PCLO: variants seen among roughly 807,000 people sequenced by gnomAD.
The protein encoded by PCLO is piccolo presynaptic cytomatrix protein.
PCLO carries 82 observed loss-of-function variants against 427.5 expected under a neutral mutation model. That is an observed-to-expected ratio of 0.19 (90% confidence interval 0.16 to 0.23). PCLO has a LOEUF of 0.23. Among genes scored for constraint, PCLO ranks in the 10% least tolerant of loss-of-function variants. The pLI is 1.00. For synonymous variants in PCLO, 2,357 were observed against 2,155.4 expected (o/e 1.09, Z -2.59); for missense variants, 6,239 against 6,115.9 (o/e 1.02, Z -0.67).
intron 3 of PCLO, among the ~76,000 whole-genome samples, chr7:83,029,341 C>CA (rs1788596658): frequency 2.6e-5 from 4 of 151,384 alleles, no homozygotes; most frequent in South Asian, 4.2e-4. Context: ...ATTTATGCAG[C>CA]AAAAAAACAC....
At chr7:82,845,565 G>T (rs930279036) in intron 12 of PCLO, 80 bp from the exon 13 acceptor site, 101 of 928,118 alleles carry the variant, frequency 1.1e-4, no homozygotes, top group Non-Finnish European at 5.1e-5. Context: ...AGTTCTAGGT[G>T]ACAAAGGTAA....
At chr7:82,846,952 G>C (rs1183158859) in intron 11 of PCLO, among the ~76,000 whole-genome samples, 187 bp downstream of exon 11, 1 of 152,148 alleles carries the variant, frequency 6.6e-6, no homozygotes, top group Admixed American at 6.5e-5. Context: ...GCATGAAAGG[G>C]AAGAGGCTGT....
chr7:82,868,667 C>T (rs953085839), intron 10 of PCLO, among the ~76,000 whole-genome samples: 1 of 152,174 alleles, frequency 6.6e-6, no homozygotes, highest in African/African-American at 2.4e-5. Flanking sequence ...TGCTTACTTG[C>T]CATGTAGCTC....
chr7:83,070,234 C>G (rs1356009292), intron 3 of PCLO, among the ~76,000 whole-genome samples: 1 of 152,130 alleles, frequency 6.6e-6, no homozygotes, highest in Non-Finnish European at 1.5e-5. Context: ...GAAGTAGAAC[C>G]TCTAGCTCCA....
At chr7:82,761,089 G>A (rs1425231208) in intron 23 of PCLO, among the ~76,000 whole-genome samples, 1 of 150,654 alleles carries the variant, frequency 6.6e-6, no homozygotes, top group Non-Finnish European at 1.5e-5. Flanking sequence ...AGGGACTACA[G>A]GCAGGAGCGA....
At chr7:83,135,749 C>A (rs765137446) in intron 2 of PCLO, 93 bp from the exon 3 acceptor site, 6 of 702,540 alleles carry the variant, frequency 8.5e-6, no homozygotes, top group Middle Eastern at 2.5e-4. Context: ...GAAACTATGT[C>A]TCTCATCATT....
intron 6 of PCLO, among the ~76,000 whole-genome samples, chr7:82,923,704 C>T (rs1794648751): frequency 6.6e-6 from 1 of 152,042 alleles, no homozygotes; most frequent in Admixed American, 6.6e-5. Context: ...AGTGCTTGAG[C>T]AGAACATTTA....
At chr7:83,032,231 G>A (rs1472146625) in intron 3 of PCLO, among the ~76,000 whole-genome samples, 1 of 152,014 alleles carries the variant, frequency 6.6e-6, no homozygotes, top group African/African-American at 2.4e-5. Context: ...GAGTCACCCT[G>A]AGTATCTCAA....
intron 3 of PCLO, among the ~76,000 whole-genome samples, chr7:83,010,491 A>T (rs1788050986): frequency 6.6e-6 from 1 of 151,726 alleles, no homozygotes; most frequent in Non-Finnish European, 1.5e-5. Context: ...TATTTTGGCC[A>T]CCAAACATGA....
Position 82,956,069 on chromosome 7 carries a change from T to C in PCLO, c.4884A>G (p.Ser1628=). 6.2e-7 allele frequency: 1 copy of C among 1,612,440 alleles called. No homozygotes were observed. Among genetic ancestry groups the C allele is most frequent in the Non-Finnish European group, 8.5e-7 (1 of 1,179,870 alleles). ...ATGCTTCATCGTCTTCATCATGCCA[T>C]GAGTGACGTCTTCCTGCATCTTCAT... ...SIDEDAGRRH[S]WHDEDDEAFD... is the part of the protein sequence containing the mutation. Residue 1628 remains serine, a synonymous_variant, in exon 5 of 25, where the codon TCA becomes TCG. Coordinates refer to ENST00000333891, the MANE Select transcript of PCLO (RefSeq NM_033026.6).
At chr7:83,044,120 C>G (rs2116226981) in intron 3 of PCLO, among the ~76,000 whole-genome samples, 1 of 147,574 alleles carries the variant, frequency 6.8e-6, no homozygotes, top group African/African-American at 2.5e-5. Context: ...GCAGGGCACA[C>G]CTTATGTGGT....
rs1790603591 is a variant in PCLO, at chr7:83,097,147, A to C, written c.3300+37103T>G. Among the ~76,000 whole-genome samples, 7 of 94,992 alleles carry C rather than the reference A, an allele frequency of 7.4e-5. 2 individuals are homozygous for C. The South Asian group carries it at 2.0e-3, about 28-fold the overall frequency. The allele number at this position is 94,992 out of a possible 152,430, so 62.3% of individuals were successfully genotyped here. A position where few individuals can be genotyped will look rare whatever the true frequency, so the allele number is the denominator to read the frequency against. On this transcript the variant is annotated intron_variant, in intron 3 of 24. Transcript: ENST00000333891. Reference sequence around the variant, plus strand: ...TATATTATACATTATACATTATATAAATATATTATACATTATATAAATATA... The same window carrying C: ...TATATTATACATTATACATTATATACATATATTATACATTATATAAATATA...
intron 3 of PCLO, among the ~76,000 whole-genome samples, chr7:83,105,849 C>T (rs1790841736): frequency 6.6e-6 from 1 of 152,164 alleles, no homozygotes; most frequent in Admixed American, 6.5e-5. Context: ...ACAGTATCTT[C>T]TTATTTGTCT....
intron 16 of PCLO, among the ~76,000 whole-genome samples, chr7:82,828,636 C>T (rs775920973): frequency 2.6e-5 from 4 of 152,114 alleles, no homozygotes; most frequent in Non-Finnish European, 5.9e-5. Context: ...TTCCTCTGAG[C>T]ACCAATTAGA....
intron 22 of PCLO, among the ~76,000 whole-genome samples, chr7:82,788,806 T>C (rs1791039065): frequency 6.6e-6 from 1 of 151,688 alleles, no homozygotes; most frequent in African/African-American, 2.4e-5. Context: ...ATTGTGTATT[T>C]CCATAACACG....
chr7:82,923,885 A>G (rs1794653042), intron 6 of PCLO, among the ~76,000 whole-genome samples: 3 of 152,018 alleles, frequency 2.0e-5, no homozygotes, highest in Admixed American at 2.0e-4. Context: ...GGACCAGATG[A>G]TTCTATATTG....
At chr7:82,808,366 CTTTGT>C (rs1260977145) in intron 20 of PCLO, among the ~76,000 whole-genome samples, 1 of 151,808 alleles carries the variant, frequency 6.6e-6, no homozygotes, top group African/African-American at 2.4e-5. Flanking sequence ...ATCGTCCATC[CTTTGT>C]TTTGTCAACT....
intron 3 of PCLO, among the ~76,000 whole-genome samples, chr7:83,076,217 T>C (rs538873570): frequency 1.8e-4 from 27 of 152,170 alleles, no homozygotes; most frequent in African/African-American, 6.3e-4. Flanking sequence ...ATTTATTCTT[T>C]CTATGCAGTT....
At chr7:82,927,610 G>C (rs897353982) in intron 6 of PCLO, among the ~76,000 whole-genome samples, 2 of 152,036 alleles carry the variant, frequency 1.3e-5, no homozygotes, top group Non-Finnish European at 2.9e-5. Context: ...TTCAAGGATC[G>C]GGTGAAAGCT....
Sources: gnomAD v4.1 joint callset for allele counts (sites outside exome capture counted in the v4.1 genomes callset) on GRCh38, gnomAD v4.1.1 for gene constraint, MANE v1.5 for transcripts, NCBI Gene and HGNC (gene_info 2026-07-23, HGNC 2026-07-21) for gene names.